The following RAB33A variants were observed in gnomAD, a reference collection of about 807,000 sequenced individuals.
RAB33A encodes RAB33A, member RAS oncogene family.
Under a neutral mutation model 12.0 loss-of-function variants are expected in RAB33A, and 6 were observed. That is an observed-to-expected ratio of 0.50 (90% CI 0.27 to 0.99). RAB33A has a LOEUF of 0.99. RAB33A is among the 50% of genes least tolerant of loss of function. The probability of loss-of-function intolerance (pLI) is 0.11; values close to 1 mark genes in which losing one functional copy is unlikely to be tolerated. For synonymous variants in RAB33A, 70 were observed against 82.4 expected, an observed-to-expected ratio of 0.85 and a Z score of 0.81; for missense variants, 109 against 192.0, an observed-to-expected ratio of 0.57 and a Z score of 2.55.
the RAB33A span, among the ~76,000 whole-genome samples, chrX:130,164,458 G>T: frequency 8.9e-6 from 1 of 112,469 alleles, no homozygotes; most frequent in Non-Finnish European, 1.9e-5. Context: ...TATTTTTAAA[G>T]CACCCAGGTG....
the RAB33A span, among the ~76,000 whole-genome samples, chrX:130,120,647 C>T: frequency 3.6e-5 from 4 of 112,510 alleles, no homozygotes; most frequent in Middle Eastern, 4.6e-3. Flanking sequence ...AGGAACCAGC[C>T]CCCGACCTGG....
rs1556296464 is a variant in RAB33A, at chrX:130,182,179, T to TATACACACAC, written c.259-2099_259-2098insCACATACACA. 1.8e-3 allele frequency among the ~76,000 whole-genome samples: 129 copies of TATACACACAC among 72,659 alleles called. 3 individuals are homozygous for TATACACACAC. Among genetic ancestry groups the TATACACACAC allele is most frequent in the East Asian group, 9.6e-3 (24 of 2,496 alleles). 63.1% of individuals were successfully genotyped at this position (72,659 alleles called of 115,157 possible). On this transcript the variant is annotated intron_variant, in intron 1 of 1. Coordinates refer to ENST00000257017, the MANE Select transcript of RAB33A (RefSeq NM_004794.3). ...AAAAATATATATATATATATATATA[T>TATACACACAC]ATACACATATATATAACATATATAC...
the RAB33A span, among the ~76,000 whole-genome samples, chrX:130,123,747 T>C: frequency 2.0e-5 from 2 of 99,764 alleles, no homozygotes; most frequent in African/African-American, 3.7e-5. Context: ...AGGGGAAGAC[T>C]GCAGAGATTC....
chrX:130,139,291 C>A, the RAB33A span, among the ~76,000 whole-genome samples: 1 of 108,886 alleles, frequency 9.2e-6, no homozygotes, highest in African/African-American at 3.3e-5. Context: ...AAGATCGCAC[C>A]ACCGCACTCC....
chrX:130,122,929 GGT>G, the RAB33A span, among the ~76,000 whole-genome samples: 1 of 111,440 alleles, frequency 9.0e-6, no homozygotes, highest in Non-Finnish European at 1.9e-5. Context: ...AGGGGTCCCA[GGT>G]CCAAATGTAA....
chrX:130,140,486 T>C, the RAB33A span: 3 of 1,079,081 alleles, frequency 2.8e-6, no homozygotes, highest in East Asian at 9.0e-5. Flanking sequence ...ACTCTAAAAC[T>C]TGAATGAGCT....
At chrX:130,173,170 C>T (rs775859972) in intron 1 of RAB33A, among the ~76,000 whole-genome samples, 2 of 112,191 alleles carry the variant, frequency 1.8e-5, no homozygotes, top group African/African-American at 3.2e-5. Context: ...ACCATTTGTG[C>T]TCACCTTTAA....
At chrX:130,174,230 G>A (rs2031640607) in intron 1 of RAB33A, among the ~76,000 whole-genome samples, 1 of 112,608 alleles carries the variant, frequency 8.9e-6, no homozygotes. Flanking sequence ...TAGAAACAGA[G>A]CTCAGCACAA....
chrX:130,169,003 C>T (rs375431165), upstream of RAB33A, among the ~76,000 whole-genome samples: 10 of 109,837 alleles, frequency 9.1e-5, no homozygotes, highest in Non-Finnish European at 5.7e-5. Context: ...GTCCGGAGAT[C>T]GAGACCAGCC....
At chrX:130,141,408 T>C in the RAB33A span, among the ~76,000 whole-genome samples, 1 of 111,973 alleles carries the variant, frequency 8.9e-6, no homozygotes, top group Non-Finnish European at 1.9e-5. Context: ...CTTTCTTATA[T>C]GGCTGTTTGG....
the RAB33A span, chrX:130,137,130 T>C: frequency 1.7e-6 from 2 of 1,211,385 alleles, no homozygotes; most frequent in African/African-American, 3.5e-5. Flanking sequence ...GGAGGATCTT[T>C]CCCATATTTC....
At chrX:130,129,294 T>C in the RAB33A span, 4 of 386,711 alleles carry the variant, frequency 1.0e-5, no homozygotes, top group Non-Finnish European at 1.8e-5. Context: ...GGTGCTGCAA[T>C]TTGCTTGCTT....
At chrX:130,169,901 T>C (rs909302560), upstream of RAB33A, among the ~76,000 whole-genome samples, 1 of 112,368 alleles carries the variant, frequency 8.9e-6, no homozygotes, top group South Asian at 3.6e-4. Context: ...TTAAAGCTAT[T>C]CTGTAGATAA....
chrX:130,172,008 T>C lies in RAB33A; in HGVS notation c.-55T>C, dbSNP rs2031613608. The C allele has an allele frequency of 4.4e-6, 5 of 1,135,477 alleles. No homozygotes were observed. Among genetic ancestry groups the C allele is most frequent in the African/African-American group, 1.8e-5 (1 of 54,937 alleles). 93.6% of individuals were successfully genotyped at this position (1,135,477 alleles called of 1,213,427 possible). ...GCCTCGAGCGCACGAACGTGGACGT[T>C]CTCTTTGTGTGGAGCCCTCAAGGGG... is the stretch of plus-strand genomic sequence containing the variant. On this transcript the variant is annotated 5_prime_UTR_variant, in exon 1 of 2. Transcript: ENST00000257017.
chrX:130,174,574 G>A (rs1470308492), intron 1 of RAB33A, among the ~76,000 whole-genome samples: 1 of 112,534 alleles, frequency 8.9e-6, no homozygotes, highest in Non-Finnish European at 1.9e-5. Flanking sequence ...CATGCTTGGA[G>A]ATGACTGCCA....
chrX:130,130,775 T>C, the RAB33A span, among the ~76,000 whole-genome samples: 14 of 111,772 alleles, frequency 1.3e-4, no homozygotes, highest in East Asian at 1.1e-3. Flanking sequence ...GGAAAAACCA[T>C]AGTGGAGGCA....
At chrX:130,170,868 T>C (rs759382335), upstream of RAB33A, among the ~76,000 whole-genome samples, 72 of 112,738 alleles carry the variant, frequency 6.4e-4, no homozygotes, top group East Asian at 0.019. Context: ...CCCAAGATCC[T>C]CCACCTGGGC....
upstream of RAB33A, among the ~76,000 whole-genome samples, chrX:130,167,255 A>G (rs1400227232): frequency 1.8e-5 from 2 of 113,010 alleles, no homozygotes; most frequent in Non-Finnish European, 3.7e-5. Flanking sequence ...CACCTGGGCA[A>G]GTCACTTAAT....
chrX:130,122,827 G>A, the RAB33A span, among the ~76,000 whole-genome samples: 20 of 111,871 alleles, frequency 1.8e-4, no homozygotes, highest in Admixed American at 1.9e-4. Flanking sequence ...TAGCTTAGGG[G>A]CTGAAGGATG....
Sources: allele counts gnomAD v4.1 joint callset (sites outside exome capture counted in the v4.1 genomes callset), GRCh38; gene constraint gnomAD v4.1.1; transcripts MANE v1.5; gene names NCBI Gene and HGNC (gene_info 2026-07-23, HGNC 2026-07-21).